Variants in KTN1 observed in about 807,000 individuals in gnomAD.
KTN1 encodes kinectin.
A neutral mutation model predicts 222.5 loss-of-function variants in KTN1; 130 were observed. That is an observed-to-expected ratio of 0.58 (90% CI 0.51 to 0.68). The LOEUF (loss-of-function observed/expected upper bound fraction) is 0.68, where lower values mean the gene tolerates loss of function less well. KTN1 is among the 30% of genes least tolerant of loss of function. KTN1 has a pLI of 0.00. For missense variants in KTN1, 1,508 were observed against 1,500.4 expected, an observed-to-expected ratio of 1.01 and a Z score of -0.08; for synonymous variants, 512 against 496.3, an observed-to-expected ratio of 1.03 and a Z score of -0.42.
At chr14:55,654,731 T>C (rs1014820028) in intron 28 of KTN1, among the ~76,000 whole-genome samples, 3 of 152,180 alleles carry the variant, frequency 2.0e-5, no homozygotes, top group African/African-American at 7.2e-5. Flanking sequence ...CTGAAGTTCA[T>C]AGTTTCCATT....
intron 6 of KTN1, 50 bp from the exon 7 acceptor site, chr14:55,629,907 A>T (rs112704526): frequency 1.7e-6 from 2 of 1,163,864 alleles, no homozygotes; most frequent in Admixed American, 3.7e-5. Flanking sequence ...TTGCAGGCTT[A>T]TGATACTTAT....
At chr14:55,647,602 C>T (rs1304692116) in intron 19 of KTN1, among the ~76,000 whole-genome samples, 1 of 131,356 alleles carries the variant, frequency 7.6e-6, no homozygotes, top group Non-Finnish European at 1.5e-5. Flanking sequence ...CATTGCACTC[C>T]AGCCTGGGCG....
At chr14:55,611,595 C>T (rs2037586422) in intron 1 of KTN1, among the ~76,000 whole-genome samples, 1 of 152,112 alleles carries the variant, frequency 6.6e-6, no homozygotes, top group Non-Finnish European at 1.5e-5. Context: ...CAGAATATGA[C>T]ACTTTTAATG....
chr14:55,630,094 G>A lies in KTN1; in HGVS notation c.1218G>A (p.Met406Ile). The stretch of plus-strand genomic sequence containing the variant: ...ATCAAGAGACTCAACAGATGCAGAT[G>A]AAGGTATATTTTCATTCTTTGGAAA... ...VSYQETQQMQ[M>I]KFQQVREQME... Residue 406 changes from methionine (M) to isoleucine (I), a missense_variant, in exon 7 of 44, where the codon ATG becomes ATA. Physicochemically the swap from Met to Ile is conservative, Grantham distance 10. Transcript: ENST00000395314. The A allele has an allele frequency of 6.2e-7, 1 of 1,609,890 alleles. No individual in the cohort carries two copies. The highest frequency in any genetic ancestry group is 2.2e-5 in the East Asian group (1 of 44,774).
chr14:55,681,364 CCTTT>C (rs1164111322), intron 43 of KTN1: 1 of 152,182 alleles, frequency 6.6e-6, no homozygotes, highest in African/African-American at 2.4e-5. Flanking sequence ...TTACCCCTTG[CCTTT>C]CGACCTAAGC....
chr14:55,613,186 G>A (rs929406556), intron 2 of KTN1, among the ~76,000 whole-genome samples: 1 of 152,148 alleles, frequency 6.6e-6, no homozygotes, highest in Non-Finnish European at 1.5e-5. Context: ...GACACAGATA[G>A]GTCATTATGA....
chr14:55,616,199 C>G (rs1212874884), intron 2 of KTN1, among the ~76,000 whole-genome samples: 2 of 152,126 alleles, frequency 1.3e-5, no homozygotes, highest in South Asian at 4.1e-4. Context: ...ATCCACCTGC[C>G]TCAGCCTCCC....
intron 29 of KTN1, among the ~76,000 whole-genome samples, chr14:55,657,091 A>G (rs1242877115): frequency 6.6e-6 from 1 of 152,198 alleles, no homozygotes; most frequent in African/African-American, 2.4e-5. Context: ...ACATGCTTCA[A>G]GGTTTGAGTC....
chr14:55,662,794 G>T (rs1595198083), intron 32 of KTN1: 1 of 417,592 alleles, frequency 2.4e-6, no homozygotes, highest in African/African-American at 2.0e-5. Flanking sequence ...TGCCACTTCT[G>T]TGTTGGTATA....
At chr14:55,665,670 G>A (rs78732143) in intron 33 of KTN1, among the ~76,000 whole-genome samples, 1,827 of 152,030 alleles carry the variant, frequency 0.012, 14 homozygotes, top group Non-Finnish European at 0.018. Flanking sequence ...ATTTTTAAAG[G>A]CTAAATACTC....
intron 34 of KTN1, among the ~76,000 whole-genome samples, chr14:55,669,286 A>G (rs2045216952): frequency 1.3e-5 from 2 of 152,082 alleles, no homozygotes; most frequent in African/African-American, 2.4e-5. Flanking sequence ...GACACTAGAA[A>G]TATTTATAAG....
chr14:55,599,142 C>T (rs2035550662), intron 1 of KTN1, among the ~76,000 whole-genome samples: 1 of 152,058 alleles, frequency 6.6e-6, no homozygotes, highest in South Asian at 2.1e-4. Flanking sequence ...TATGTATGTA[C>T]ACATAATTTA....
chr14:55,581,444 T>G lies in KTN1; in HGVS notation c.-31+1090T>G, dbSNP rs1043797813. Among the ~76,000 whole-genome samples, 6 of 151,018 alleles carry G rather than the reference T, an allele frequency of 4.0e-5. No individual in the cohort carries two copies. The South Asian group carries it at 1.0e-3, about 26-fold the overall frequency. ...CTACGGTTGAAGTTAACTGTTAAGGTGTGTGTGTGTGTGTGAGTGTGTGTG... is the reference window on the plus strand; with the variant it reads ...CTACGGTTGAAGTTAACTGTTAAGGGGTGTGTGTGTGTGTGAGTGTGTGTG... On this transcript the variant is annotated intron_variant, in intron 1 of 43. Coordinates refer to ENST00000395314, the MANE Select transcript of KTN1 (RefSeq NM_001079521.2).
chr14:55,639,542 T>G (rs2041545300), intron 13 of KTN1, among the ~76,000 whole-genome samples: 1 of 151,738 alleles, frequency 6.6e-6, no homozygotes, highest in African/African-American at 2.4e-5. Flanking sequence ...TTTTTGTGTC[T>G]TATAAGTAGT....
At chr14:55,614,182 TAGGTTAGC>T (rs1227593907) in intron 2 of KTN1, among the ~76,000 whole-genome samples, 18 of 152,186 alleles carry the variant, frequency 1.2e-4, no homozygotes, top group Admixed American at 3.9e-4. Context: ...TAGGACTTCT[TAGGTTAGC>T]CATTGTTGAA....
In KTN1 at chr14:55,671,880, A is replaced by T. The variant is rs1043229068; in HGVS notation, c.3531+3A>T. 7 of 1,539,106 alleles carry T rather than the reference A, an allele frequency of 4.5e-6. No homozygotes were observed. The Admixed American group carries it at 5.0e-5, about 11-fold the overall frequency. On this transcript the variant is annotated splice_donor_region_variant and intron_variant, in intron 37 of 43. Transcript: ENST00000395314. The stretch of plus-strand genomic sequence containing the variant: ...AATCACACAAGACTATTAAACAGGT[A>T]TTTACAAAAGAAAAGCTTAGAGCAG...
At chr14:55,669,465 T>C (rs938862297) in intron 34 of KTN1, among the ~76,000 whole-genome samples, 3 of 152,020 alleles carry the variant, frequency 2.0e-5, no homozygotes, top group African/African-American at 7.2e-5. Flanking sequence ...CTATTTATGT[T>C]ATAAAATAAT....
At chr14:55,637,055 T>G in intron 10 of KTN1, 143 bp from the exon 11 acceptor site, 2 of 553,318 alleles carry the variant, frequency 3.6e-6, no homozygotes, top group Non-Finnish European at 6.4e-6. Flanking sequence ...AACGCAAGTA[T>G]AGCCTGCTAC....
At chr14:55,589,468 T>A (rs2033683207) in intron 1 of KTN1, among the ~76,000 whole-genome samples, 1 of 151,530 alleles carries the variant, frequency 6.6e-6, no homozygotes, top group African/African-American at 2.4e-5. Context: ...TGCCACCAAA[T>A]CTCGCTAATA....
Sources: allele counts gnomAD v4.1 joint callset (sites outside exome capture counted in the v4.1 genomes callset), GRCh38; gene constraint gnomAD v4.1.1; transcripts MANE v1.5; gene names NCBI Gene and HGNC (gene_info 2026-07-23, HGNC 2026-07-21).